Variants in RHCE observed in about 807,000 individuals in gnomAD.
The protein encoded by RHCE is Rh blood group CcEe antigens.
A neutral mutation model predicts 43.8 loss-of-function variants in RHCE; 22 were observed. That is an observed-to-expected ratio of 0.50 (90% CI 0.36 to 0.72). The LOEUF is 0.72. Ranked by LOEUF, RHCE falls within the 30% of genes least tolerant of loss-of-function variation. The pLI, the probability that RHCE is intolerant of heterozygous loss-of-function variation, is 0.00. For missense variants in RHCE, 385 were observed against 525.4 expected (o/e 0.73, Z 2.61); for synonymous variants, 156 against 210.7 (o/e 0.74, Z 2.25).
At chr1:25,409,803 T>C (rs1258299606) in intron 1 of RHCE, among the ~76,000 whole-genome samples, 1 of 150,610 alleles carries the variant, frequency 6.6e-6, no homozygotes, top group Non-Finnish European at 1.5e-5. Flanking sequence ...CAACCACACT[T>C]TGACATGGGT....
Position 25,362,484 on chromosome 1 carries a change from G to A in RHCE, c.*43C>T, listed in dbSNP as rs1263804507. On this transcript the variant is annotated 3_prime_UTR_variant, in exon 10 of 10. Transcript: ENST00000294413. ...ATGCAGGCAACAGTGAGAGGAAGTT[G>A]TCTTGTTTTTGAACAGGCCTTGTTT... The A allele has an allele frequency of 6.3e-7, 1 of 1,582,012 alleles. No individual in the cohort carries two copies. The highest frequency in any genetic ancestry group is 1.4e-5 in the African/African-American group (1 of 73,974).
chr1:25,380,802 C>A (rs1249061840), intron 7 of RHCE, among the ~76,000 whole-genome samples: 1 of 151,790 alleles, frequency 6.6e-6, no homozygotes, highest in African/African-American at 2.4e-5. Context: ...ATGGGAGGGG[C>A]AGTCTTGAAG....
At chr1:25,421,302 T>C (rs1297154370), upstream of RHCE, among the ~76,000 whole-genome samples, 1 of 152,224 alleles carries the variant, frequency 6.6e-6, no homozygotes, top group East Asian at 1.9e-4. Flanking sequence ...AGAATGGAGC[T>C]GAGCCCTGGG....
chr1:25,390,835 A>G lies in RHCE; in HGVS notation c.715T>C (p.Phe239Leu). 6.2e-7 allele frequency: 1 copy of G among 1,614,230 alleles called. No homozygotes were observed. The highest frequency in any genetic ancestry group is 8.5e-7 in the Non-Finnish European group (1 of 1,180,034). ...ACTGCTAGAGCATAGTAGGTGTTGA[A>G]CATGGCATTCTTCCTTTGGATTGGA... ...RSPIQRKNAM[F>L]NTYYALAVSV... The change falls in exon 5 of 10, where the codon TTC becomes CTC. Residue 239 changes from phenylalanine to leucine, a missense_variant. Around this residue, in one of 6 missense-constraint regions of RHCE, gnomAD observed 56 missense variants for 90.0 expected, o/e 0.62. Transcript: ENST00000294413.
intron 7 of RHCE, among the ~76,000 whole-genome samples, chr1:25,385,074 TG>T (rs1186149967): frequency 2.0e-5 from 3 of 152,192 alleles, no homozygotes; most frequent in Non-Finnish European, 4.4e-5. Flanking sequence ...CAGGAAGTAA[TG>T]GCTAGGGCTC....
intron 3 of RHCE, among the ~76,000 whole-genome samples, chr1:25,401,004 C>T (rs1235349769): frequency 6.6e-6 from 1 of 152,188 alleles, no homozygotes; most frequent in Non-Finnish European, 1.5e-5. Flanking sequence ...CTGCTCTGGT[C>T]TCCACCTGCT....
chr1:25,420,880 A>T, upstream of RHCE: 7 of 1,553,450 alleles, frequency 4.5e-6, no homozygotes, highest in Non-Finnish European at 6.1e-6. Flanking sequence ...GATAGGGGAG[A>T]CACCCGCCAA....
chr1:25,421,012 A>G (rs1224697312), upstream of RHCE: 16 of 579,596 alleles, frequency 2.8e-5, no homozygotes, highest in Non-Finnish European at 4.3e-5. Context: ...CATTCATTCA[A>G]CAAGTTGCTG....
At chr1:25,378,972 T>C (rs1466781947) in intron 7 of RHCE, among the ~76,000 whole-genome samples, 1 of 152,118 alleles carries the variant, frequency 6.6e-6, no homozygotes, top group Admixed American at 6.6e-5. Context: ...CAATGTTGAG[T>C]AAAAGAAGCA....
chr1:25,413,998 T>C (rs1571917640), intron 1 of RHCE, among the ~76,000 whole-genome samples: 1 of 151,614 alleles, frequency 6.6e-6, no homozygotes, highest in African/African-American at 2.4e-5. Flanking sequence ...AGCTGTAAAA[T>C]TGAGATGAAA....
intron 1 of RHCE, chr1:25,419,890 C>T (rs2042721293): frequency 7.0e-6 from 1 of 142,446 alleles, no homozygotes; most frequent in Non-Finnish European, 1.5e-5. Context: ...TAGATATGAG[C>T]AAGAGAGCTG....
chr1:25,372,644 C>T (rs1409375529), intron 8 of RHCE, among the ~76,000 whole-genome samples: 2 of 151,704 alleles, frequency 1.3e-5, no homozygotes, highest in African/African-American at 2.4e-5. Flanking sequence ...TCTACCTGGG[C>T]TGAGAAACCC....
chr1:25,380,404 T>C (rs963590089), intron 7 of RHCE, among the ~76,000 whole-genome samples: 78 of 149,858 alleles, frequency 5.2e-4, no homozygotes, highest in African/African-American at 1.7e-3. Context: ...TGGAGTCTCA[T>C]GCCTGCAGTT....
intron 1 of RHCE, chr1:25,429,180 G>A (rs1235227894): frequency 1.3e-5 from 2 of 148,766 alleles, no homozygotes; most frequent in Non-Finnish European, 3.0e-5. Context: ...AGAGTTCTGT[G>A]AAACCCAGGA....
chr1:25,402,487 A>C, intron 3 of RHCE, 109 bp downstream of exon 3: 1 of 1,543,938 alleles, frequency 6.5e-7, no homozygotes, highest in Non-Finnish European at 8.9e-7. Context: ...CAACCTCCCA[A>C]GTAGCTGGGA....
At chr1:25,401,371 G>A (rs1359391550) in intron 3 of RHCE, among the ~76,000 whole-genome samples, 1 of 152,178 alleles carries the variant, frequency 6.6e-6, no homozygotes, top group Non-Finnish European at 1.5e-5. Flanking sequence ...TCCAAGTCCA[G>A]TGCACTTTCT....
intron 1 of RHCE, among the ~76,000 whole-genome samples, chr1:25,412,827 C>T (rs1226895979): frequency 6.6e-6 from 1 of 151,062 alleles, no homozygotes; most frequent in African/African-American, 2.4e-5. Context: ...GAGTTTGAGA[C>T]CAGCCTGGCC....
intron 3 of RHCE, among the ~76,000 whole-genome samples, chr1:25,392,562 CTTTTTTTTT>C (rs1211993147): frequency 7.5e-5 from 5 of 66,384 alleles, no homozygotes; most frequent in Non-Finnish European, 1.1e-4. Context: ...TGCCCGGCCT[CTTTTTTTTT>C]TTTTTTTTTT....
chr1:25,425,573 G>T (rs1039321482), upstream of RHCE, among the ~76,000 whole-genome samples: 10 of 152,212 alleles, frequency 6.6e-5, no homozygotes, highest in Non-Finnish European at 1.2e-4. Context: ...TCCTCACAGG[G>T]TTATTACAAA....
Sources: allele counts gnomAD v4.1 joint callset (sites outside exome capture counted in the v4.1 genomes callset), GRCh38; gene constraint gnomAD v4.1.1; regional missense constraint gnomAD v4.1.1; transcripts MANE v1.5; gene names NCBI Gene and HGNC (gene_info 2026-07-23, HGNC 2026-07-21).